Variants in DNAAF11 observed in about 807,000 individuals in gnomAD.
DNAAF11 encodes the protein dynein axonemal assembly factor 11, also known as leucine rich repeat containing 6.
DNAAF11 carries 45 observed loss-of-function variants against 60.8 expected under a neutral mutation model. The ratio of observed to expected loss-of-function variants is 0.74; its 90% CI spans 0.58 to 0.95. The LOEUF (loss-of-function observed/expected upper bound fraction) is 0.95. Ranked by LOEUF, DNAAF11 falls within the 40% of genes least tolerant of loss-of-function variation. The probability of loss-of-function intolerance (pLI) is 0.00; values close to 1 mark genes in which losing one functional copy is unlikely to be tolerated. For synonymous variants in DNAAF11, 191 were observed against 183.5 expected (o/e 1.04, Z -0.33); for missense variants, 546 against 546.2 (o/e 1.00, Z 0.00).
chr8:132,650,266 A>G (rs960203885), intron 3 of DNAAF11, among the ~76,000 whole-genome samples: 2 of 152,090 alleles, frequency 1.3e-5, no homozygotes, highest in Non-Finnish European at 2.9e-5. Context: ...ACTATTGCAA[A>G]GACAGAAAAC....
chr8:132,642,093 A>C (rs1045486827), intron 3 of DNAAF11, among the ~76,000 whole-genome samples: 1 of 152,250 alleles, frequency 6.6e-6, no homozygotes, highest in African/African-American at 2.4e-5. Context: ...AATTTTTTAA[A>C]GTATATAAAT....
In DNAAF11 at chr8:132,585,750, T is replaced by G. The variant is rs146971495; in HGVS notation, c.1141-1971A>C. On this transcript the variant is annotated intron_variant, in intron 10 of 11. Transcript: ENST00000620350. ...TTGTATTATCAAACATGGTTTATTT[T>G]GGAGTAGGCTAAGTCTAAAATGTTG... Among the ~76,000 whole-genome samples, 603 of 152,332 alleles carry G rather than the reference T, an allele frequency of 4.0e-3. 11 individuals are homozygous for G. The highest frequency in any genetic ancestry group is 0.014 in the African/African-American group (582 of 41,582).
chr8:132,698,297 T>C, the DNAAF11 span, among the ~76,000 whole-genome samples: 11 of 152,204 alleles, frequency 7.2e-5, no homozygotes, highest in East Asian at 2.1e-3. Context: ...AAACCTGAAT[T>C]TCAGAGAGGT....
intron 11 of DNAAF11, among the ~76,000 whole-genome samples, chr8:132,574,628 T>C (rs1281569848): frequency 2.0e-5 from 3 of 152,246 alleles, no homozygotes; most frequent in African/African-American, 7.2e-5. Context: ...TTTTGCCTCC[T>C]ATTCTTTTGC....
chr8:132,679,535 C>G (rs1394883332), upstream of DNAAF11, among the ~76,000 whole-genome samples: 2 of 152,124 alleles, frequency 1.3e-5, no homozygotes, highest in African/African-American at 4.8e-5. Context: ...AGATCTGGTT[C>G]CAGGGGCAAG....
chr8:132,603,490 G>A (rs1361295544), intron 10 of DNAAF11, among the ~76,000 whole-genome samples: 1 of 151,866 alleles, frequency 6.6e-6, no homozygotes, highest in Non-Finnish European at 1.5e-5. Context: ...ACTGTATAAG[G>A]GATAAAAAGC....
the DNAAF11 span, among the ~76,000 whole-genome samples, chr8:132,686,682 A>C: frequency 2.0e-5 from 3 of 152,052 alleles, no homozygotes; most frequent in African/African-American, 7.2e-5. Context: ...GGAAGTGGGG[A>C]TGTTTAGGAC....
At chr8:132,689,696 C>CGTGT in the DNAAF11 span, among the ~76,000 whole-genome samples, 948 of 148,240 alleles carry the variant, frequency 6.4e-3, 14 homozygotes, top group African/African-American at 0.022. Flanking sequence ...TGTGTATGTA[C>CGTGT]GTGTGTGTGT....
intron 7 of DNAAF11, 25 bp downstream of exon 7, chr8:132,622,586 T>G (rs767178672): frequency 6.3e-7 from 1 of 1,588,766 alleles, no homozygotes; most frequent in Non-Finnish European, 8.6e-7. Flanking sequence ...TTTGGGTCTT[T>G]AACGCTCTAT....
chr8:132,649,818 A>C (rs1310118729), intron 3 of DNAAF11, among the ~76,000 whole-genome samples: 1 of 152,226 alleles, frequency 6.6e-6, no homozygotes, highest in Non-Finnish European at 1.5e-5. Context: ...CCACAATGAG[A>C]TACCATCTCA....
intron 10 of DNAAF11, among the ~76,000 whole-genome samples, chr8:132,606,803 C>CA (rs759043990): frequency 4.0e-5 from 6 of 151,752 alleles, no homozygotes; most frequent in Non-Finnish European, 8.8e-5. Context: ...TGCATCTGGC[C>CA]AAAAATTTTT....
At chr8:132,615,813 T>A (rs1394034687) in intron 7 of DNAAF11, among the ~76,000 whole-genome samples, 1 of 152,230 alleles carries the variant, frequency 6.6e-6, no homozygotes, top group Non-Finnish European at 1.5e-5. Context: ...CTGGTCAATT[T>A]TCTTTTGAAC....
At chr8:132,613,440 T>C (rs904600327) in intron 8 of DNAAF11, among the ~76,000 whole-genome samples, 2 of 152,190 alleles carry the variant, frequency 1.3e-5, no homozygotes. Flanking sequence ...AAAGGCCACA[T>C]GTTGTATGAT....
At chr8:132,587,521 G>A (rs1046219477) in intron 10 of DNAAF11, among the ~76,000 whole-genome samples, 5 of 152,100 alleles carry the variant, frequency 3.3e-5, no homozygotes, top group African/African-American at 9.7e-5. Flanking sequence ...TTTTGGAATC[G>A]TAACATTTGG....
chr8:132,641,195 G>A (rs1032968224), intron 3 of DNAAF11, among the ~76,000 whole-genome samples: 3 of 152,154 alleles, frequency 2.0e-5, no homozygotes, highest in African/African-American at 7.2e-5. Flanking sequence ...TAATGTTCAA[G>A]TATCTTCCCA....
At chr8:132,700,871 T>C in the DNAAF11 span, among the ~76,000 whole-genome samples, 28 of 152,310 alleles carry the variant, frequency 1.8e-4, no homozygotes, top group South Asian at 4.1e-4. Flanking sequence ...AACGAAGTGA[T>C]AGAGTGTCTT....
At chr8:132,631,941 A>G (rs1820843819) in intron 5 of DNAAF11, among the ~76,000 whole-genome samples, 1 of 152,094 alleles carries the variant, frequency 6.6e-6, no homozygotes, top group Non-Finnish European at 1.5e-5. Flanking sequence ...GGTGCAGCAC[A>G]CCAACATGGC....
chr8:132,584,807 G>T (rs993513559), intron 10 of DNAAF11, among the ~76,000 whole-genome samples: 5 of 152,130 alleles, frequency 3.3e-5, no homozygotes, highest in Non-Finnish European at 1.5e-5. Flanking sequence ...CTGTGATCCA[G>T]GTTCATGCAA....
the DNAAF11 span, among the ~76,000 whole-genome samples, chr8:132,686,534 G>T: frequency 1.3e-5 from 2 of 152,026 alleles, no homozygotes; most frequent in African/African-American, 4.8e-5. Context: ...CTACTGCATT[G>T]CGGAAACTGG....
Sources: gnomAD v4.1 joint callset for allele counts (sites outside exome capture counted in the v4.1 genomes callset) on GRCh38, gnomAD v4.1.1 for gene constraint, MANE v1.5 for transcripts, NCBI Gene and HGNC (gene_info 2026-07-23, HGNC 2026-07-21) for gene names.